LRRC69: variants seen among roughly 807,000 people sequenced by gnomAD.
The protein encoded by LRRC69 is leucine-rich repeat-containing protein 69.
A neutral mutation model predicts 37.8 loss-of-function variants in LRRC69; 42 were observed. That is an observed-to-expected ratio of 1.11 (90% CI 0.87 to 1.44). The LOEUF (loss-of-function observed/expected upper bound fraction) is 1.44, where lower values mean the gene tolerates loss of function less well. LRRC69 is among the 40% of genes most tolerant of loss of function. LRRC69 has a pLI of 0.00. For synonymous variants in LRRC69, 141 were observed against 143.1 expected, an observed-to-expected ratio of 0.99 and a Z score of 0.11; for missense variants, 357 against 401.9, an observed-to-expected ratio of 0.89 and a Z score of 0.96.
At chr8:91,127,253 C>T in intron 3 of LRRC69, 93 bp downstream of exon 3, 2 of 924,850 alleles carry the variant, frequency 2.2e-6, no homozygotes, top group East Asian at 2.7e-5. Context: ...AGCATAAGTC[C>T]CTGTGAGATT....
At chr8:91,189,831 A>G (rs2130610379) in intron 6 of LRRC69, among the ~76,000 whole-genome samples, 1 of 152,308 alleles carries the variant, frequency 6.6e-6, no homozygotes, top group Non-Finnish European at 1.5e-5. Flanking sequence ...GAGTGACTTA[A>G]TTCAGAGAAA....
At chr8:91,167,847 C>G (rs528553743) in intron 5 of LRRC69, among the ~76,000 whole-genome samples, 1 of 151,840 alleles carries the variant, frequency 6.6e-6, no homozygotes, top group Non-Finnish European at 1.5e-5. Context: ...TTTTAAGAGA[C>G]GATGTTCCCT....
Position 91,200,795 on chromosome 8 carries a change from A to C in LRRC69, c.933+3A>C. ...TTCGATTTGTTCCTCCACCAAAGGTAAATGATGCTTTTTATGCGAATATGA... is the reference window on the plus strand; with the variant it reads ...TTCGATTTGTTCCTCCACCAAAGGTCAATGATGCTTTTTATGCGAATATGA... On this transcript the variant is annotated splice_donor_region_variant and intron_variant, in intron 7 of 7. Transcript: ENST00000448384. 6.5e-7 allele frequency: 1 copy of C among 1,529,030 alleles called. No individual in the cohort carries two copies. Among genetic ancestry groups the C allele is most frequent in the African/African-American group, 1.4e-5 (1 of 71,790 alleles). The allele number at this position is 1,529,030 out of a possible 1,614,324, so 94.7% of individuals were successfully genotyped here. A position where few individuals can be genotyped will look rare whatever the true frequency, so the allele number is the denominator to read the frequency against.
chr8:91,126,460 T>C (rs1044275136), intron 2 of LRRC69, among the ~76,000 whole-genome samples: 6 of 152,148 alleles, frequency 3.9e-5, no homozygotes, highest in African/African-American at 1.4e-4. Context: ...GATCTCTGGC[T>C]CTTTTTAAAA....
At chr8:91,145,888 T>C (rs1317880014) in intron 5 of LRRC69, among the ~76,000 whole-genome samples, 1 of 151,908 alleles carries the variant, frequency 6.6e-6, no homozygotes, top group Non-Finnish European at 1.5e-5. Context: ...GGGTAGACTT[T>C]TTGAAATGAA....
chr8:91,157,550 G>T (rs61749013), intron 5 of LRRC69: 99,239 of 1,518,104 alleles, frequency 0.065, 3,819 homozygotes, highest in Middle Eastern at 0.13. Context: ...GAGAATGAGG[G>T]TTTACTCCTG....
intron 6 of LRRC69, among the ~76,000 whole-genome samples, chr8:91,190,711 T>G (rs528957990): frequency 4.6e-5 from 7 of 152,288 alleles, no homozygotes; most frequent in Non-Finnish European, 1.0e-4. Context: ...ACTTCCCCAC[T>G]GTTGGATGTT....
At chr8:91,170,973 A>C (rs988697789) in intron 5 of LRRC69, among the ~76,000 whole-genome samples, 1 of 145,476 alleles carries the variant, frequency 6.9e-6, no homozygotes, top group Admixed American at 6.9e-5. Flanking sequence ...CAACCTACAA[A>C]ATGGGAGAAA....
intron 3 of LRRC69, among the ~76,000 whole-genome samples, chr8:91,132,362 C>T (rs1314673133): frequency 6.6e-6 from 1 of 151,938 alleles, no homozygotes; most frequent in African/African-American, 2.4e-5. Flanking sequence ...AATGCACAGG[C>T]ATGTAGTTGT....
chr8:91,134,253 C>G (rs1205634306), intron 4 of LRRC69, among the ~76,000 whole-genome samples: 1 of 151,268 alleles, frequency 6.6e-6, no homozygotes, highest in African/African-American at 2.4e-5. Flanking sequence ...GCTGAAGACC[C>G]TGGAGTGCTG....
intron 5 of LRRC69, among the ~76,000 whole-genome samples, chr8:91,183,858 T>C (rs1422559825): frequency 1.3e-5 from 2 of 152,204 alleles, no homozygotes; most frequent in African/African-American, 4.8e-5. Flanking sequence ...CAAGGAAGCC[T>C]GGTGGCAAGA....
intron 3 of LRRC69, chr8:91,130,633 T>G (rs1226598034): frequency 6.6e-6 from 1 of 152,056 alleles, no homozygotes; most frequent in East Asian, 1.9e-4. Context: ...TCATTTGTCT[T>G]TTCTCCTATT....
At chr8:91,125,981 G>A (rs944501156) in intron 2 of LRRC69, among the ~76,000 whole-genome samples, 1 of 151,822 alleles carries the variant, frequency 6.6e-6, no homozygotes, top group Non-Finnish European at 1.5e-5. Flanking sequence ...AATTGGCATA[G>A]CCATCATCTC....
At chr8:91,192,734 T>A (rs924136778) in intron 6 of LRRC69, among the ~76,000 whole-genome samples, 3 of 152,026 alleles carry the variant, frequency 2.0e-5, no homozygotes, top group African/African-American at 7.2e-5. Flanking sequence ...TCTTTGTAGA[T>A]TCTGGATATT....
Position 91,200,732 on chromosome 8 carries a change from AT to A in LRRC69, c.874del (p.Cys292ValfsTer6). On this transcript the variant is annotated frameshift_variant, in exon 7 of 8. Coordinates refer to ENST00000448384, the Ensembl canonical transcript of LRRC69. LOFTEE classifies it high-confidence loss of function. ...TCTCTCAGGGAAAAACATGTGCAAT[AT>A]GTGGACAGTACTTTATAACCGTATG... 1 of 1,540,170 alleles carries A rather than the reference AT, an allele frequency of 6.5e-7. No homozygotes were observed. The highest frequency in any genetic ancestry group is 2.1e-5 in the Admixed American group (1 of 47,734).
chr8:91,129,407 A>G (rs1276717291), intron 3 of LRRC69, among the ~76,000 whole-genome samples: 3 of 152,012 alleles, frequency 2.0e-5, no homozygotes, highest in Admixed American at 2.0e-4. Context: ...GAACAATGGC[A>G]GATATTTGTT....
At chr8:91,197,643 A>G (rs1809636206) in intron 6 of LRRC69, among the ~76,000 whole-genome samples, 1 of 152,276 alleles carries the variant, frequency 6.6e-6, no homozygotes, top group Non-Finnish European at 1.5e-5. Context: ...TGACTAGGAA[A>G]GGGAACTCCC....
intron 7 of LRRC69, chr8:91,206,740 T>C: frequency 7.8e-7 from 1 of 1,289,774 alleles, no homozygotes; most frequent in Non-Finnish European, 1.0e-6. Context: ...TATTTGGTAC[T>C]GAGTGTGCAT....
chr8:91,156,324 G>T (rs1386292152), intron 5 of LRRC69, among the ~76,000 whole-genome samples: 3 of 151,038 alleles, frequency 2.0e-5, no homozygotes, highest in Non-Finnish European at 4.4e-5. Context: ...GATGATTAGT[G>T]ATGTTGGACC....
Sources: gnomAD v4.1 joint callset for allele counts (sites outside exome capture counted in the v4.1 genomes callset) on GRCh38, gnomAD v4.1.1 for gene constraint, MANE v1.5 for transcripts, NCBI Gene and HGNC (gene_info 2026-07-23, HGNC 2026-07-21) for gene names.